LRBA: variants seen among roughly 807,000 people sequenced by gnomAD.
LRBA encodes the protein lipopolysaccharide-responsive and beige-like anchor protein.
A neutral mutation model predicts 330.0 loss-of-function variants in LRBA; 176 were observed. The observed-to-expected ratio is 0.53, with a 90% CI of 0.47 to 0.60. LRBA has a LOEUF of 0.60. Among genes scored for constraint, LRBA ranks in the 20% least tolerant of loss-of-function variants. The probability of loss-of-function intolerance (pLI) is 0.00; values close to 1 mark genes in which losing one functional copy is unlikely to be tolerated. For missense variants in LRBA, 3,259 were observed against 3,444.8 expected (o/e 0.95, Z 1.35); for synonymous variants, 1,230 against 1,193.0 (o/e 1.03, Z -0.64).
At chr4:150,728,041 G>A (rs542566900) in intron 36 of LRBA, among the ~76,000 whole-genome samples, 8 of 152,112 alleles carry the variant, frequency 5.3e-5, no homozygotes, top group Admixed American at 2.0e-4. Flanking sequence ...CAACTGATAC[G>A]GTAGAAATTC....
rs190353460 is a variant in LRBA, at chr4:150,928,348, A to G, written c.549+168T>C. On this transcript the variant is annotated intron_variant, in intron 4 of 56. Coordinates refer to ENST00000651943, the MANE Select transcript of LRBA (RefSeq NM_001364905.1). ...CACCATTATCTTAGTGCATACTCTT[A>G]GTGTCCAAGTATGGCACGAGTAGCC... Among the ~76,000 whole-genome samples, 172 of 152,346 alleles carry G rather than the reference A, an allele frequency of 1.1e-3. 1 individual carries two copies. The highest frequency in any genetic ancestry group is 1.9e-3 in the Non-Finnish European group (127 of 68,024).
At chr4:150,609,569 A>C (rs906451208) in intron 37 of LRBA, among the ~76,000 whole-genome samples, 2 of 152,202 alleles carry the variant, frequency 1.3e-5, no homozygotes, top group Non-Finnish European at 2.9e-5. Context: ...ACTTGGTGCA[A>C]GATTTCTTAT....
intron 40 of LRBA, among the ~76,000 whole-genome samples, chr4:150,523,416 G>A (rs377695027): frequency 2.0e-5 from 3 of 152,078 alleles, no homozygotes; most frequent in East Asian, 3.9e-4. Flanking sequence ...AAGGTGCCAC[G>A]ATGGAAGCAG....
rs528900756 is a variant in LRBA at position 150,845,064 on chromosome 4, T to A, written c.4340-285A>T. Reference sequence around the variant, plus strand: ...GAAATCAGTTCAGGAATCTTAACAATAGGCTACTATTTCTTAGATCTCAAC... The same window carrying A: ...GAAATCAGTTCAGGAATCTTAACAAAAGGCTACTATTTCTTAGATCTCAAC... On this transcript the variant is annotated intron_variant, in intron 26 of 56. Coordinates refer to ENST00000651943, the MANE Select transcript of LRBA (RefSeq NM_001364905.1). 3.9e-5 allele frequency among the ~76,000 whole-genome samples: 6 copies of A among 152,270 alleles called. No individual in the cohort carries two copies. The South Asian group carries it at 1.2e-3, about 32-fold the overall frequency.
chr4:150,875,941 G>A (rs1168071331), intron 17 of LRBA, among the ~76,000 whole-genome samples: 1 of 152,126 alleles, frequency 6.6e-6, no homozygotes, highest in Non-Finnish European at 1.5e-5. Flanking sequence ...GGACTGCAAG[G>A]AAGCTCAATG....
chr4:150,786,630 G>A (rs1479568141), intron 34 of LRBA, among the ~76,000 whole-genome samples: 1 of 151,958 alleles, frequency 6.6e-6, no homozygotes, highest in East Asian at 1.9e-4. Context: ...ACCCAGAAGT[G>A]GACTCAGCAA....
At chr4:150,574,948 C>T (rs1770350187) in intron 40 of LRBA, among the ~76,000 whole-genome samples, 1 of 151,948 alleles carries the variant, frequency 6.6e-6, no homozygotes, top group Admixed American at 6.6e-5. Flanking sequence ...ACAGTCATAG[C>T]TACAGGTCAA....
At chr4:150,519,709 T>C (rs1249601394) in intron 40 of LRBA, among the ~76,000 whole-genome samples, 1 of 152,182 alleles carries the variant, frequency 6.6e-6, no homozygotes, top group African/African-American at 2.4e-5. Context: ...CTTGGACAAA[T>C]ATTTAGGAGT....
intron 42 of LRBA, among the ~76,000 whole-genome samples, chr4:150,481,033 T>C (rs568901846): frequency 6.6e-6 from 1 of 152,320 alleles, no homozygotes; most frequent in South Asian, 2.1e-4. Context: ...GTTCTACTTT[T>C]TACTCATATG....
At chr4:150,516,759 T>C (rs1762405001) in intron 40 of LRBA, among the ~76,000 whole-genome samples, 1 of 152,164 alleles carries the variant, frequency 6.6e-6, no homozygotes, top group Admixed American at 6.6e-5. Flanking sequence ...GACAAAAGTG[T>C]ATATTGTTGG....
At chr4:150,650,478 T>C (rs143279518) in intron 37 of LRBA, among the ~76,000 whole-genome samples, 1 of 152,178 alleles carries the variant, frequency 6.6e-6, no homozygotes, top group African/African-American at 2.4e-5. Flanking sequence ...TAGTATATAA[T>C]AAGTAACAAA....
intron 46 of LRBA, among the ~76,000 whole-genome samples, chr4:150,416,890 T>C (rs778724034): frequency 1.6e-4 from 24 of 152,204 alleles, no homozygotes; most frequent in Non-Finnish European, 2.9e-4. Context: ...TTACATTTAA[T>C]CTCACAACCA....
chr4:150,656,512 G>C (rs1780202944), intron 37 of LRBA, among the ~76,000 whole-genome samples: 2 of 152,118 alleles, frequency 1.3e-5, no homozygotes, highest in Admixed American at 1.3e-4. Context: ...TAAACTGTCT[G>C]ATCTCTGCCT....
chr4:150,821,930 C>A (rs575038575), intron 30 of LRBA, among the ~76,000 whole-genome samples: 2 of 152,078 alleles, frequency 1.3e-5, no homozygotes, highest in Non-Finnish European at 2.9e-5. Flanking sequence ...TCCAGCTATT[C>A]CTTGGAAGTT....
intron 37 of LRBA, among the ~76,000 whole-genome samples, chr4:150,661,469 CAA>C (rs563120801): frequency 1.7e-4 from 11 of 64,980 alleles, no homozygotes; most frequent in African/African-American, 2.0e-4. Context: ...GACTCTGTCT[CAA>C]AAAAAAAAAA....
In LRBA at chr4:150,851,061, C is replaced by G. The variant is rs183132724; in HGVS notation, c.3826-159G>C. On this transcript the variant is annotated intron_variant, in intron 23 of 56. Coordinates refer to ENST00000651943, the MANE Select transcript of LRBA (RefSeq NM_001364905.1). ...AAGAAAAATTATCAATGAGTAATAA[C>G]ATTAACATTTTAGTACATGTAAGCA... 6.4e-4 allele frequency among the ~76,000 whole-genome samples: 98 copies of G among 152,242 alleles called. 1 individual carries two copies. The South Asian group carries it at 9.1e-3, about 14-fold the overall frequency.
Position 150,927,118 on chromosome 4 carries a change from T to C in LRBA, c.549+1398A>G, listed in dbSNP as rs572790094. ...GGCCAGGCGCGGTGGCTCACACCTG[T>C]AATCTCAGCACTCTGGGAGGCCAAG... On this transcript the variant is annotated intron_variant, in intron 4 of 56. Transcript: ENST00000651943. Among the ~76,000 whole-genome samples the C allele has an allele frequency of 2.0e-3, 301 of 150,684 alleles. 1 individual carries two copies. Among genetic ancestry groups the C allele is most frequent in the African/African-American group, 7.1e-3 (292 of 41,026 alleles).
chr4:150,860,931 AG>A (rs896971322), intron 22 of LRBA, among the ~76,000 whole-genome samples: 1 of 152,180 alleles, frequency 6.6e-6, no homozygotes, highest in African/African-American at 2.4e-5. Flanking sequence ...AACACCATAG[AG>A]TGTACTTAAG....
At chr4:150,931,302 T>C (rs1233790546) in intron 2 of LRBA, among the ~76,000 whole-genome samples, 9 of 130,518 alleles carry the variant, frequency 6.9e-5, no homozygotes, top group Non-Finnish European at 1.1e-4. Context: ...ATAAAAAGAT[T>C]TAAAAAAAGG....
Sources: gnomAD v4.1 joint callset for allele counts (sites outside exome capture counted in the v4.1 genomes callset) on GRCh38, gnomAD v4.1.1 for gene constraint, MANE v1.5 for transcripts, NCBI Gene and HGNC (gene_info 2026-07-23, HGNC 2026-07-21) for gene names.